SLC17A1: variants seen among roughly 807,000 people sequenced by gnomAD.
SLC17A1 encodes solute carrier family 17 member 1, also known as sodium-dependent phosphate transport protein 1.
SLC17A1 carries 51 observed loss-of-function variants against 53.5 expected under a neutral mutation model. That is an observed-to-expected ratio of 0.95 (90% CI 0.76 to 1.20). The LOEUF is 1.20. SLC17A1 is among the 50% of genes most tolerant of loss of function. The pLI is 0.00. For synonymous variants in SLC17A1, 179 were observed against 198.8 expected (o/e 0.90, Z 0.84); for missense variants, 538 against 568.2 (o/e 0.95, Z 0.54).
chr6:25,739,948 C>T, the SLC17A1 span, among the ~76,000 whole-genome samples: 1 of 152,226 alleles, frequency 6.6e-6, no homozygotes, highest in South Asian at 2.1e-4. Flanking sequence ...ATGTCACATG[C>T]CTGGTTTTGA....
chr6:25,747,640 G>A, the SLC17A1 span, among the ~76,000 whole-genome samples: 1 of 152,246 alleles, frequency 6.6e-6, no homozygotes, highest in Non-Finnish European at 1.5e-5. Context: ...ATTAGATCAT[G>A]AGGCTGGATT....
the SLC17A1 span, among the ~76,000 whole-genome samples, chr6:25,767,181 A>G: frequency 6.6e-6 from 1 of 152,188 alleles, no homozygotes; most frequent in African/African-American, 2.4e-5. Context: ...ACTTTTAAAA[A>G]AGAACAAAGC....
chr6:25,737,566 T>C, the SLC17A1 span, among the ~76,000 whole-genome samples: 1 of 152,280 alleles, frequency 6.6e-6, no homozygotes, highest in Non-Finnish European at 1.5e-5. Flanking sequence ...CTTATATTGA[T>C]AAATTGGCTT....
intron 1 of SLC17A1, among the ~76,000 whole-genome samples, chr6:25,831,066 T>C (rs1047365389): frequency 6.6e-6 from 1 of 152,284 alleles, no homozygotes; most frequent in East Asian, 1.9e-4. Flanking sequence ...TGTATCTTAA[T>C]AGAGCTGGAA....
chr6:25,787,264 C>T (rs1763403391), intron 12 of SLC17A1, among the ~76,000 whole-genome samples: 3 of 151,518 alleles, frequency 2.0e-5, no homozygotes, highest in Middle Eastern at 3.4e-3. Context: ...AAGGTGGACG[C>T]ATCACTTGAG....
the SLC17A1 span, among the ~76,000 whole-genome samples, chr6:25,746,690 A>G: frequency 6.6e-6 from 1 of 152,204 alleles, no homozygotes; most frequent in African/African-American, 2.4e-5. Flanking sequence ...ATAAGACAGT[A>G]TCATACTTTT....
the SLC17A1 span, among the ~76,000 whole-genome samples, chr6:25,771,338 C>G: frequency 6.6e-6 from 1 of 152,134 alleles, no homozygotes; most frequent in Non-Finnish European, 1.5e-5. Flanking sequence ...CTTTGGGAGG[C>G]TGAGGCAGGT....
At chr6:25,824,655 A>T (rs1764681733) in intron 3 of SLC17A1, among the ~76,000 whole-genome samples, 1 of 152,020 alleles carries the variant, frequency 6.6e-6, no homozygotes, top group South Asian at 2.1e-4. Flanking sequence ...AATGTATATT[A>T]TAAAACCTAT....
At chr6:25,740,594 A>T in the SLC17A1 span, among the ~76,000 whole-genome samples, 41,327 of 152,136 alleles carry the variant, frequency 0.27, 6,840 homozygotes, top group East Asian at 0.7. Flanking sequence ...TACTGACTTT[A>T]CTGATGAGCT....
chr6:25,726,988 A>G, the SLC17A1 span: 6 of 1,614,218 alleles, frequency 3.7e-6, no homozygotes, highest in Non-Finnish European at 5.1e-6. Flanking sequence ...CAGAAAAAGG[A>G]AGGCAAAAAG....
At chr6:25,753,603 C>T in the SLC17A1 span, among the ~76,000 whole-genome samples, 1 of 152,112 alleles carries the variant, frequency 6.6e-6, no homozygotes, top group Non-Finnish European at 1.5e-5. Context: ...ACTGATAGAA[C>T]ATACTGTTGG....
intron 12 of SLC17A1, among the ~76,000 whole-genome samples, chr6:25,797,162 C>A (rs1581454737): frequency 1.3e-5 from 2 of 152,310 alleles, no homozygotes; most frequent in East Asian, 3.9e-4. Flanking sequence ...ACAAACAAAA[C>A]CCTCCTTGGT....
the SLC17A1 span, among the ~76,000 whole-genome samples, chr6:25,738,688 T>A: frequency 4.9e-4 from 74 of 152,062 alleles, no homozygotes; most frequent in African/African-American, 1.7e-3. Flanking sequence ...ATCTCAACAA[T>A]AAAAAACCAA....
chr6:25,756,480 G>T, the SLC17A1 span, among the ~76,000 whole-genome samples: 3 of 152,034 alleles, frequency 2.0e-5, no homozygotes, highest in African/African-American at 7.3e-5. Flanking sequence ...TTCATACCAT[G>T]TGGCATTCTT....
intron 12 of SLC17A1, among the ~76,000 whole-genome samples, chr6:25,789,284 G>T (rs1763450835): frequency 1.3e-5 from 2 of 152,056 alleles, no homozygotes; most frequent in Admixed American, 1.3e-4. Flanking sequence ...GACAAATTGA[G>T]CATCAAAGTA....
chr6:25,727,399 G>GT, the SLC17A1 span: 202,886 of 677,320 alleles, frequency 0.3, 8,674 homozygotes, highest in East Asian at 0.49. Context: ...AACCGTAAGG[G>GT]TTTTTTTTTT....
intron 10 of SLC17A1, among the ~76,000 whole-genome samples, chr6:25,807,787 G>A (rs1764010656): frequency 6.6e-6 from 1 of 151,988 alleles, no homozygotes; most frequent in Admixed American, 6.6e-5. Context: ...TACTGTGAAT[G>A]GCATTATTTT....
rs560908163 is a variant in SLC17A1, at chr6:25,804,264, C to T, written c.1179-3284G>A. Among the ~76,000 whole-genome samples the T allele has an allele frequency of 2.3e-4, 35 of 152,218 alleles. No homozygotes were observed. In the South Asian group the frequency reaches 6.6e-3, roughly 29 times the overall value. ...GCTTCCTTAAACAGAAAACAACTGT[C>T]AGCCAAGAATTTTGTATCCAGTGAA... On this transcript the variant is annotated intron_variant, in intron 10 of 12. Coordinates refer to ENST00000244527, the MANE Select transcript of SLC17A1 (RefSeq NM_005074.5).
chr6:25,743,473 T>C, the SLC17A1 span, among the ~76,000 whole-genome samples: 1 of 152,052 alleles, frequency 6.6e-6, no homozygotes, highest in Non-Finnish European at 1.5e-5. Context: ...CATAGGAAAA[T>C]ATAGCACCTT....
Sources: gnomAD v4.1 joint callset for allele counts (sites outside exome capture counted in the v4.1 genomes callset) on GRCh38, gnomAD v4.1.1 for gene constraint, MANE v1.5 for transcripts, NCBI Gene and HGNC (gene_info 2026-07-23, HGNC 2026-07-21) for gene names.